LARGE1: variants seen among roughly 807,000 people sequenced by gnomAD.
LARGE1 encodes the protein xylosyl- and glucuronyltransferase LARGE1.
A neutral mutation model predicts 87.6 loss-of-function variants in LARGE1; 43 were observed. That is an observed-to-expected ratio of 0.49 (90% CI 0.38 to 0.63). The LOEUF is 0.63. Among genes scored for constraint, LARGE1 ranks in the 30% least tolerant of loss-of-function variants. The pLI is 0.00. For synonymous variants in LARGE1, 434 were observed against 394.6 expected, an observed-to-expected ratio of 1.10 and a Z score of -1.18; for missense variants, 802 against 1,000.2, an observed-to-expected ratio of 0.80 and a Z score of 2.67.
chr22:33,614,402 C>T (rs2079525014), intron 4 of LARGE1, among the ~76,000 whole-genome samples: 1 of 152,166 alleles, frequency 6.6e-6, no homozygotes, highest in South Asian at 2.1e-4. Flanking sequence ...TATCCTCTAG[C>T]CCCTAAGCCA....
chr22:33,260,917 G>T (rs916609978), intron 11 of LARGE1, among the ~76,000 whole-genome samples: 3 of 152,130 alleles, frequency 2.0e-5, no homozygotes, highest in East Asian at 3.9e-4. Context: ...GCTCATTGAA[G>T]AGTGCTCCAA....
the LARGE1 span, among the ~76,000 whole-genome samples, chr22:33,097,837 G>A: frequency 6.6e-6 from 1 of 152,122 alleles, no homozygotes; most frequent in Non-Finnish European, 1.5e-5. Flanking sequence ...AAATTAAATG[G>A]TATGTTTGTC....
Position 33,274,291 on chromosome 22 carries a change from G to A in LARGE1, c.*136C>T. The A allele has an allele frequency of 1.1e-6, 1 of 904,428 alleles. No homozygotes were observed. Among genetic ancestry groups the A allele is most frequent in the South Asian group, 1.4e-5 (1 of 72,094 alleles). The allele number at this position is 904,428 out of a possible 1,614,324, so 56.0% of individuals were successfully genotyped here. On this transcript the variant is annotated 3_prime_UTR_variant, in exon 15 of 15. Coordinates refer to ENST00000397394, the MANE Select transcript of LARGE1 (RefSeq NM_133642.5). ...GTCCAAGGTCTCTGTAGTGAGGGCA[G>A]CTTGGCTGGGCCAAAGAGATAAATA...
chr22:33,508,375 C>T (rs2070866154), intron 6 of LARGE1, among the ~76,000 whole-genome samples: 2 of 152,208 alleles, frequency 1.3e-5, no homozygotes, highest in Admixed American at 1.3e-4. Flanking sequence ...TTCCAATGCA[C>T]ACTATACTCA....
At chr22:33,228,206 A>G (rs1182842847) in intron 11 of LARGE1, among the ~76,000 whole-genome samples, 1 of 152,280 alleles carries the variant, frequency 6.6e-6, no homozygotes, top group Non-Finnish European at 1.5e-5. Flanking sequence ...ACTGCCTGGC[A>G]CATAGGTAAG....
chr22:33,778,964 T>C (rs1354347329), intron 1 of LARGE1, among the ~76,000 whole-genome samples: 3 of 152,194 alleles, frequency 2.0e-5, no homozygotes, highest in African/African-American at 7.2e-5. Context: ...CATCCTGTTT[T>C]ACAGCTGATT....
chr22:33,849,592 C>CTTT (rs71187287), intron 1 of LARGE1, among the ~76,000 whole-genome samples: 3,980 of 88,492 alleles, frequency 0.045, 279 homozygotes, highest in African/African-American at 0.13. Context: ...CTTTTCTTCT[C>CTTT]TTTTTTTTTT....
At chr22:33,622,512 C>T (rs1023423032) in intron 4 of LARGE1, among the ~76,000 whole-genome samples, 1 of 152,208 alleles carries the variant, frequency 6.6e-6, no homozygotes, top group Non-Finnish European at 1.5e-5. Context: ...AACACAGGTG[C>T]TAAGCCAAAA....
chr22:33,546,258 G>C (rs560421047), intron 6 of LARGE1, among the ~76,000 whole-genome samples: 2 of 152,316 alleles, frequency 1.3e-5, no homozygotes, highest in South Asian at 4.1e-4. Flanking sequence ...ATTCCTTAGG[G>C]AATGCAACTG....
intron 12 of LARGE1, among the ~76,000 whole-genome samples, chr22:33,294,119 G>A (rs534552055): frequency 6.6e-6 from 1 of 152,290 alleles, no homozygotes; most frequent in Admixed American, 6.5e-5. Flanking sequence ...CTACTCCTCG[G>A]GCAGGGGTTG....
chr22:33,102,918 G>C, the LARGE1 span, among the ~76,000 whole-genome samples: 1 of 152,108 alleles, frequency 6.6e-6, no homozygotes, highest in Non-Finnish European at 1.5e-5. Context: ...TGGATAACAA[G>C]GGAGAGTCAG....
chr22:33,900,868 G>A (rs1224689643), intron 1 of LARGE1, among the ~76,000 whole-genome samples: 9 of 152,142 alleles, frequency 5.9e-5, no homozygotes, highest in Non-Finnish European at 1.0e-4. Flanking sequence ...CCAACATGGC[G>A]AAACCCCGTC....
intron 11 of LARGE1, among the ~76,000 whole-genome samples, chr22:33,242,504 A>T (rs1344402254): frequency 5.9e-5 from 9 of 152,160 alleles, no homozygotes; most frequent in Non-Finnish European, 1.2e-4. Context: ...ATTTTATACA[A>T]TTTTGGTTCA....
chr22:33,081,505 A>C, the LARGE1 span, among the ~76,000 whole-genome samples: 1 of 152,208 alleles, frequency 6.6e-6, no homozygotes, highest in Non-Finnish European at 1.5e-5. Flanking sequence ...GAATACAGTG[A>C]TGAGGAAGAA....
intron 9 of LARGE1, among the ~76,000 whole-genome samples, chr22:33,343,905 A>G (rs1939443024): frequency 6.6e-6 from 1 of 152,210 alleles, no homozygotes; most frequent in Non-Finnish European, 1.5e-5. Context: ...AGGTCCCACA[A>G]TAGGCTGTCT....
At position 33,549,224 on chromosome 22, in the gene LARGE1, A is replaced by T. The variant is rs552536823; in HGVS notation, c.787+15624T>A. ...CAGTGCATGGTGCAGAGAAGAGACC[A>T]GCATATTTGTCTTCATTGACAGGCC... is the stretch of plus-strand genomic sequence containing the variant. On this transcript the variant is annotated intron_variant, in intron 6 of 14. Transcript: ENST00000397394. Among the ~76,000 whole-genome samples, 11 of 152,336 alleles carry T rather than the reference A, an allele frequency of 7.2e-5. No homozygotes were observed. The East Asian group carries it at 7.7e-4, about 11-fold the overall frequency.
chr22:33,656,218 T>A (rs1178337355), intron 2 of LARGE1, among the ~76,000 whole-genome samples: 1 of 152,132 alleles, frequency 6.6e-6, no homozygotes, highest in Non-Finnish European at 1.5e-5. Flanking sequence ...GGACTCACAG[T>A]TCCTCATGGT....
At chr22:33,493,621 C>T (rs2069962589) in intron 6 of LARGE1, among the ~76,000 whole-genome samples, 1 of 152,170 alleles carries the variant, frequency 6.6e-6, no homozygotes, top group Admixed American at 6.5e-5. Context: ...ACCCCCACAA[C>T]AGCAGCAACC....
intron 1 of LARGE1, among the ~76,000 whole-genome samples, chr22:33,900,980 G>A (rs922837614): frequency 6.6e-6 from 1 of 152,188 alleles, no homozygotes; most frequent in Non-Finnish European, 1.5e-5. Flanking sequence ...CCGGGAGACA[G>A]AGGTTGCAGT....
Sources: allele counts gnomAD v4.1 joint callset (sites outside exome capture counted in the v4.1 genomes callset), GRCh38; gene constraint gnomAD v4.1.1; transcripts MANE v1.5; gene names NCBI Gene and HGNC (gene_info 2026-07-23, HGNC 2026-07-21).